FGF12: variants seen among roughly 807,000 people sequenced by gnomAD.
The protein encoded by FGF12 is fibroblast growth factor 12, also known as fibroblast growth factor 12B.
In FGF12, 14 loss-of-function variants were observed where a neutral mutation model predicts 23.6. That is an observed-to-expected ratio of 0.59 (90% confidence interval 0.39 to 0.93). FGF12 has a LOEUF of 0.93. FGF12 is among the 40% of genes least tolerant of loss of function. FGF12 has a pLI of 0.00. For missense variants in FGF12, 175 were observed against 217.8 expected (o/e 0.80, Z 1.24); for synonymous variants, 62 against 77.3 (o/e 0.80, Z 1.04).
intron 2 of FGF12, among the ~76,000 whole-genome samples, chr3:192,588,431 A>T (rs1170988231): frequency 1.3e-5 from 2 of 151,494 alleles, no homozygotes; most frequent in African/African-American, 4.8e-5. Context: ...AACAGTAATG[A>T]TGTTAGGAAC....
intron 2 of FGF12, among the ~76,000 whole-genome samples, chr3:192,558,600 C>A (rs1711886317): frequency 6.6e-6 from 1 of 151,632 alleles, no homozygotes; most frequent in Non-Finnish European, 1.5e-5. Context: ...CATATGAAAC[C>A]AAAAAATAAA....
intron 2 of FGF12, among the ~76,000 whole-genome samples, chr3:192,452,615 A>T (rs1722561120): frequency 6.6e-6 from 1 of 152,190 alleles, no homozygotes; most frequent in Admixed American, 6.5e-5. Context: ...TTTATGCTGC[A>T]TTGGCCAACT....
intron 4 of FGF12, among the ~76,000 whole-genome samples, chr3:192,334,069 TGATAC>T (rs1717266061): frequency 6.6e-6 from 1 of 152,106 alleles, no homozygotes; most frequent in Non-Finnish European, 1.5e-5. Context: ...TTTCTTCCTG[TGATAC>T]GAGTTCAGTT....
chr3:192,347,580 T>C (rs1718023188), intron 3 of FGF12, among the ~76,000 whole-genome samples: 1 of 152,098 alleles, frequency 6.6e-6, no homozygotes, highest in African/African-American at 2.4e-5. Context: ...GAAGAGACCA[T>C]ATGTAACTGT....
At chr3:192,370,379 CA>C (rs1367568443) in intron 2 of FGF12, among the ~76,000 whole-genome samples, 4 of 151,928 alleles carry the variant, frequency 2.6e-5, no homozygotes, top group African/African-American at 9.7e-5. Flanking sequence ...ATGAAAAACA[CA>C]AACAAAAGTT....
chr3:192,627,454 A>G (rs62293026), intron 2 of FGF12, among the ~76,000 whole-genome samples: 3,453 of 152,178 alleles, frequency 0.023, 46 homozygotes, highest in Middle Eastern at 0.065. Context: ...TCCTAGGACA[A>G]TTTCACAGGT....
chr3:192,715,864 G>T (rs929818437), intron 2 of FGF12, among the ~76,000 whole-genome samples: 1 of 152,210 alleles, frequency 6.6e-6, no homozygotes, highest in Admixed American at 6.5e-5. Flanking sequence ...AAATGGATAC[G>T]TCCAAGCATG....
intron 2 of FGF12, among the ~76,000 whole-genome samples, chr3:192,674,974 CT>C (rs1419432126): frequency 6.6e-6 from 1 of 152,148 alleles, no homozygotes; most frequent in Non-Finnish European, 1.5e-5. Context: ...TGTTTTTATT[CT>C]TTTTACCATC....
intron 2 of FGF12, among the ~76,000 whole-genome samples, chr3:192,378,113 C>CTTTCCTTCTT (rs60677581): frequency 1.1e-5 from 1 of 93,088 alleles, no homozygotes; most frequent in African/African-American, 4.7e-5. Context: ...TTCCTTCTTT[C>CTTTCCTTCTT]TCTCTTTGTT....
At chr3:192,650,670 C>A (rs1390552022) in intron 2 of FGF12, among the ~76,000 whole-genome samples, 1 of 152,180 alleles carries the variant, frequency 6.6e-6, no homozygotes, top group Admixed American at 6.6e-5. Context: ...TAGCACAGTT[C>A]CTGGCACACA....
intron 4 of FGF12, among the ~76,000 whole-genome samples, chr3:192,290,940 C>T (rs767292079): frequency 3.8e-4 from 58 of 152,078 alleles, no homozygotes; most frequent in Non-Finnish European, 7.2e-4. Context: ...TGTATATACA[C>T]ACATACATCG....
chr3:192,156,213 G>C (rs6784385), intron 5 of FGF12, among the ~76,000 whole-genome samples: 147,300 of 152,268 alleles, frequency 0.97, 71,287 homozygotes, highest in Middle Eastern at 1. Flanking sequence ...ACAAAACAAA[G>C]AAACAGAAAC....
At chr3:192,670,672 C>T (rs1482115757) in intron 2 of FGF12, among the ~76,000 whole-genome samples, 2 of 152,256 alleles carry the variant, frequency 1.3e-5, no homozygotes. Flanking sequence ...TTGCAAAGTA[C>T]TTGGACTCAC....
chr3:192,576,756 A>G (rs1448782748), intron 2 of FGF12, among the ~76,000 whole-genome samples: 3 of 152,162 alleles, frequency 2.0e-5, no homozygotes, highest in Non-Finnish European at 2.9e-5. Flanking sequence ...AAAATAAATC[A>G]TCATGTTTAT....
intron 2 of FGF12, among the ~76,000 whole-genome samples, chr3:192,621,427 C>T (rs919448472): frequency 2.0e-5 from 3 of 151,978 alleles, no homozygotes; most frequent in East Asian, 1.9e-4. Flanking sequence ...CTTTGAAGCC[C>T]GACAAGAGCC....
intron 2 of FGF12, among the ~76,000 whole-genome samples, chr3:192,527,570 T>C (rs112909661): frequency 9.2e-5 from 14 of 152,364 alleles, no homozygotes; most frequent in African/African-American, 2.9e-4. Flanking sequence ...TGAAAATCAC[T>C]GCAATAATGC....
intron 2 of FGF12, among the ~76,000 whole-genome samples, chr3:192,525,613 C>T (rs1404294766): frequency 6.6e-6 from 1 of 152,192 alleles, no homozygotes; most frequent in Non-Finnish European, 1.5e-5. Context: ...CACCCCAAAA[C>T]TTAAGTCCCT....
At chr3:192,158,358 CTTTCTTTCTTTCTTTCTTTCTTTCT>C (rs1560171364) in intron 5 of FGF12, among the ~76,000 whole-genome samples, 8 of 110,824 alleles carry the variant, frequency 7.2e-5, no homozygotes, top group East Asian at 2.7e-4. Flanking sequence ...TTCTTTCTTT[CTTTCTTTCTTTCTTTCTTTCTTTCT>C]TTTCTTTCTC....
intron 2 of FGF12, among the ~76,000 whole-genome samples, chr3:192,602,234 A>C (rs1360621980): frequency 2.0e-5 from 3 of 152,150 alleles, no homozygotes; most frequent in Non-Finnish European, 4.4e-5. Flanking sequence ...CTTTCTGCTC[A>C]ATTTTCCTGA....
Sources: gnomAD v4.1 joint callset for allele counts (sites outside exome capture counted in the v4.1 genomes callset) on GRCh38, gnomAD v4.1.1 for gene constraint, MANE v1.5 for transcripts, NCBI Gene and HGNC (gene_info 2026-07-23, HGNC 2026-07-21) for gene names.